Variants in RXRA observed in about 807,000 individuals in gnomAD.
The protein encoded by RXRA is retinoic acid receptor RXR-alpha.
Under a neutral mutation model 44.5 loss-of-function variants are expected in RXRA, and 5 were observed. The observed-to-expected ratio is 0.11, with a 90% CI of 0.06 to 0.24. The LOEUF (loss-of-function observed/expected upper bound fraction) is 0.24, where lower values mean the gene tolerates loss of function less well. Among genes scored for constraint, RXRA ranks in the 10% least tolerant of loss-of-function variants. The pLI, the probability that RXRA is intolerant of heterozygous loss-of-function variation, is 1.00. For missense variants in RXRA, 412 were observed against 646.5 expected (o/e 0.64, Z 3.93); for synonymous variants, 291 against 271.4 (o/e 1.07, Z -0.71).
At chr9:134,339,921 GTGTA>G (rs761582945) in intron 1 of RXRA, among the ~76,000 whole-genome samples, 21 of 152,134 alleles carry the variant, frequency 1.4e-4, no homozygotes, top group African/African-American at 3.6e-4. Context: ...GTGAACCTGT[GTGTA>G]TGTGAGTGTG....
At chr9:134,399,468 T>C (rs145119699) in intron 1 of RXRA, among the ~76,000 whole-genome samples, 36 of 152,362 alleles carry the variant, frequency 2.4e-4, no homozygotes, top group African/African-American at 8.4e-4. Flanking sequence ...ACACACTCTT[T>C]TGCCTGCTTT....
intron 1 of RXRA, among the ~76,000 whole-genome samples, chr9:134,346,398 C>A (rs1487059633): frequency 6.6e-6 from 1 of 152,202 alleles, no homozygotes; most frequent in South Asian, 2.1e-4. Context: ...CGGCTGTCGG[C>A]TCATCCAGGA....
chr9:134,410,048 G>A (rs1564289676), intron 4 of RXRA, among the ~76,000 whole-genome samples: 1 of 152,240 alleles, frequency 6.6e-6, no homozygotes, highest in Non-Finnish European at 1.5e-5. Flanking sequence ...GGGATGTCCT[G>A]AGTGGCCACC....
At chr9:134,346,405 A>G (rs1216602160) in intron 1 of RXRA, among the ~76,000 whole-genome samples, 1 of 152,062 alleles carries the variant, frequency 6.6e-6, no homozygotes, top group Non-Finnish European at 1.5e-5. Context: ...CGGCTCATCC[A>G]GGAGCCTCCC....
At chr9:134,369,270 G>A (rs1830460041) in intron 1 of RXRA, among the ~76,000 whole-genome samples, 1 of 70,662 alleles carries the variant, frequency 1.4e-5, no homozygotes, top group Non-Finnish European at 2.9e-5. Context: ...GTGTGTGTGG[G>A]GGGTTATGTG....
chr9:134,388,519 G>T (rs1177104801), intron 1 of RXRA, among the ~76,000 whole-genome samples: 1 of 152,142 alleles, frequency 6.6e-6, no homozygotes, highest in Non-Finnish European at 1.5e-5. Context: ...TCCTGGTGAC[G>T]GTCCTTTCTC....
intron 1 of RXRA, among the ~76,000 whole-genome samples, chr9:134,357,627 G>A (rs1242776094): frequency 6.6e-6 from 1 of 152,058 alleles, no homozygotes; most frequent in East Asian, 1.9e-4. Context: ...GTTCGGCTGT[G>A]GTTTGTGCAG....
Position 134,436,592 on chromosome 9 carries a change from A to G in RXRA, c.1367A>G (p.Glu456Gly), listed in dbSNP as rs1387749743. ...GACACCTTCCTTATGGAGATGCTGG[A>G]GGCGCCGCACCAAATGACTTAGGCC... Reference protein sequence around the residue: ...PIDTFLMEMLEAPHQMT With the variant: ...PIDTFLMEMLGAPHQMT The change falls in exon 10 of 10, where the codon GAG (glutamate) becomes GGG (glycine). Residue 456 changes from glutamate (E) to glycine (G), a missense_variant. Glu to Gly is a moderately conservative substitution (Grantham distance 98). This residue lies in a region of RXRA where 141 missense variants were observed against 270.8 expected (regional missense o/e 0.52). Coordinates refer to ENST00000481739, the MANE Select transcript of RXRA (RefSeq NM_002957.6). The G allele has an allele frequency of 6.2e-7, 1 of 1,614,038 alleles. No homozygotes were observed. The highest frequency in any genetic ancestry group is 8.5e-7 in the Non-Finnish European group (1 of 1,180,026).
intron 1 of RXRA, among the ~76,000 whole-genome samples, chr9:134,375,937 T>G (rs28970773): frequency 0.43 from 39,698 of 92,366 alleles, 7,864 homozygotes; most frequent in African/African-American, 0.65. Flanking sequence ...CCGGCCGCCC[T>G]CCCTCCCTCC....
intron 9 of RXRA, among the ~76,000 whole-genome samples, 167 bp downstream of exon 9, chr9:134,434,374 G>A (rs908331808): frequency 6.6e-6 from 1 of 152,060 alleles, no homozygotes; most frequent in Non-Finnish European, 1.5e-5. Context: ...AGGCCAGTGG[G>A]CTGTGGCGGG....
chr9:134,423,033 G>A (rs1831374432), intron 6 of RXRA: 2 of 985,506 alleles, frequency 2.0e-6, no homozygotes, highest in African/African-American at 1.7e-5. Flanking sequence ...GACGGTGGCT[G>A]GGAGCTCAGC....
At chr9:134,392,456 C>G (rs775870854) in intron 1 of RXRA, among the ~76,000 whole-genome samples, 3 of 152,340 alleles carry the variant, frequency 2.0e-5, no homozygotes, top group East Asian at 3.9e-4. Context: ...CCCACCTCCT[C>G]CCTGTACCCC....
chr9:134,329,960 A>G (rs1834977351), intron 1 of RXRA, among the ~76,000 whole-genome samples: 1 of 151,642 alleles, frequency 6.6e-6, no homozygotes, highest in African/African-American at 2.4e-5. Context: ...GCATCAGGAG[A>G]GGGTGGGACA....
chr9:134,434,333 C>A, intron 9 of RXRA, 126 bp downstream of exon 9: 1 of 685,976 alleles, frequency 1.5e-6, no homozygotes, highest in Non-Finnish European at 2.5e-6. Flanking sequence ...CCCATGCCAG[C>A]AGGTCCTGAG....
intron 4 of RXRA, among the ~76,000 whole-genome samples, chr9:134,415,826 A>T (rs1325150100): frequency 6.6e-6 from 1 of 152,130 alleles, no homozygotes; most frequent in Non-Finnish European, 1.5e-5. Flanking sequence ...CCTTGACTGG[A>T]GTAGGGGCGT....
At chr9:134,350,534 C>T (rs560929140) in intron 1 of RXRA, among the ~76,000 whole-genome samples, 57 of 152,310 alleles carry the variant, frequency 3.7e-4, no homozygotes, top group African/African-American at 1.2e-3. Context: ...TGTCTTCCTT[C>T]GGGCACAGCA....
chr9:134,355,576 G>A (rs957267822), intron 1 of RXRA, among the ~76,000 whole-genome samples: 11 of 152,288 alleles, frequency 7.2e-5, no homozygotes, highest in Middle Eastern at 3.4e-3. Flanking sequence ...CAGTGGAGGG[G>A]TGGGGCAGTA....
Position 134,401,613 on chromosome 9 carries a change from GC to G in RXRA, c.29-18del. 1 of 1,612,562 alleles carries G rather than the reference GC, an allele frequency of 6.2e-7. No homozygotes were observed. The highest frequency in any genetic ancestry group is 8.5e-7 in the Non-Finnish European group (1 of 1,179,902). On this transcript the variant is annotated intron_variant, in intron 1 of 9. Transcript: ENST00000481739. ...AGTCACCTGCACTGACCACTCTCCT[GC>G]GGCTTCTTGTCTTGCAGATTTCTCC...
chr9:134,368,938 ATGTATGTGTGTGAGTGCG>A (rs1830451321), intron 1 of RXRA, among the ~76,000 whole-genome samples: 1 of 43,472 alleles, frequency 2.3e-5, no homozygotes, highest in Non-Finnish European at 4.3e-5. Flanking sequence ...TGCGGGGGTT[ATGTATGTGTGTGAGTGCG>A]GGGGTTGTGT....
Sources: allele counts gnomAD v4.1 joint callset (sites outside exome capture counted in the v4.1 genomes callset), GRCh38; gene constraint gnomAD v4.1.1; regional missense constraint gnomAD v4.1.1; transcripts MANE v1.5; gene names NCBI Gene and HGNC (gene_info 2026-07-23, HGNC 2026-07-21).